The following SLC4A4 variants were observed in gnomAD, a reference collection of about 807,000 sequenced individuals.
SLC4A4 encodes solute carrier family 4 member 4.
SLC4A4 carries 27 observed loss-of-function variants against 111.5 expected under a neutral mutation model. The observed-to-expected ratio is 0.24, with a 90% confidence interval of 0.18 to 0.33. The LOEUF is 0.33. Among genes scored for constraint, SLC4A4 ranks in the 10% least tolerant of loss-of-function variants. The pLI is 1.00. For missense variants in SLC4A4, 909 were observed against 1,315.5 expected, an observed-to-expected ratio of 0.69 and a Z score of 4.78; for synonymous variants, 443 against 463.4, an observed-to-expected ratio of 0.96 and a Z score of 0.57.
At chr4:71,109,509 T>C (rs1235315785) in intron 2 of SLC4A4, among the ~76,000 whole-genome samples, 2 of 152,002 alleles carry the variant, frequency 1.3e-5, no homozygotes, top group African/African-American at 2.4e-5. Context: ...TCCCTGATAT[T>C]TGGAGGACAG....
In SLC4A4 at chr4:71,568,928, T is replaced by C. The variant is rs1488896428; in HGVS notation, c.*1177T>C. 2 of 151,796 alleles carry C rather than the reference T, an allele frequency of 1.3e-5. No individual in the cohort carries two copies. The highest frequency in any genetic ancestry group is 1.3e-4 in the Admixed American group (2 of 15,182). The allele number at this position is 151,796 out of a possible 1,614,324, so 9.4% of individuals were successfully genotyped here. On this transcript the variant is annotated 3_prime_UTR_variant, in exon 26 of 26. Coordinates refer to ENST00000264485, the MANE Select transcript of SLC4A4 (RefSeq NM_001098484.3). The stretch of plus-strand genomic sequence containing the variant: ...GAGACAAACTCCTATGTCATGAGAA[T>C]AACCGATGTTCTGATAATAGTAGCA...
intron 2 of SLC4A4, among the ~76,000 whole-genome samples, chr4:71,101,622 C>T (rs991186141): frequency 9.2e-5 from 14 of 152,240 alleles, no homozygotes; most frequent in South Asian, 2.1e-4. Flanking sequence ...CCCTGACCCC[C>T]GAGCAGCCTA....
chr4:71,513,163 C>A (rs1437477180), intron 16 of SLC4A4, among the ~76,000 whole-genome samples: 1 of 151,298 alleles, frequency 6.6e-6, no homozygotes, highest in African/African-American at 2.4e-5. Context: ...ATTTTTTTTT[C>A]TAATTCTGTG....
chr4:71,566,193 G>GC (rs1737454486), intron 24 of SLC4A4, among the ~76,000 whole-genome samples: 1 of 151,748 alleles, frequency 6.6e-6, no homozygotes, highest in African/African-American at 2.4e-5. Context: ...GCTAATTTCT[G>GC]CTAACCCCTA....
At chr4:71,189,651 T>C (rs1464457273) in intron 1 of SLC4A4, among the ~76,000 whole-genome samples, 1 of 152,208 alleles carries the variant, frequency 6.6e-6, no homozygotes, top group Non-Finnish European at 1.5e-5. Context: ...GCACACTAGC[T>C]GGTGAATCAT....
At chr4:71,505,108 A>G (rs1368028082) in intron 16 of SLC4A4, among the ~76,000 whole-genome samples, 1 of 152,066 alleles carries the variant, frequency 6.6e-6, no homozygotes, top group African/African-American at 2.4e-5. Context: ...TATGTACCAC[A>G]TTGTCTTTAT....
At chr4:71,222,531 G>T (rs556719861) in intron 1 of SLC4A4, among the ~76,000 whole-genome samples, 1 of 152,072 alleles carries the variant, frequency 6.6e-6, no homozygotes, top group African/African-American at 2.4e-5. Context: ...TTCATCCTTC[G>T]TGCCTAGAAT....
intron 20 of SLC4A4, among the ~76,000 whole-genome samples, chr4:71,554,070 C>G (rs1335233851): frequency 2.0e-5 from 3 of 151,842 alleles, no homozygotes; most frequent in Admixed American, 6.6e-5. Flanking sequence ...TACTCATTCT[C>G]TAATAGTGGC....
At chr4:71,282,569 G>A (rs1417353647) in intron 3 of SLC4A4, among the ~76,000 whole-genome samples, 1 of 150,666 alleles carries the variant, frequency 6.6e-6, no homozygotes, top group Non-Finnish European at 1.5e-5. Context: ...ACAGGCATGA[G>A]CCACGGCACC....
At chr4:71,425,018 AT>A (rs1253534502) in intron 7 of SLC4A4, among the ~76,000 whole-genome samples, 1 of 152,070 alleles carries the variant, frequency 6.6e-6, no homozygotes, top group Non-Finnish European at 1.5e-5. Context: ...ATAAAAGGTA[AT>A]AGCTGATTAA....
intron 6 of SLC4A4, among the ~76,000 whole-genome samples, chr4:71,385,773 A>T (rs1718656572): frequency 6.6e-6 from 1 of 152,078 alleles, no homozygotes; most frequent in Non-Finnish European, 1.5e-5. Flanking sequence ...GAATCCCTTG[A>T]TATCTCCTTG....
intron 21 of SLC4A4, among the ~76,000 whole-genome samples, chr4:71,555,626 G>A (rs112935043): frequency 0.022 from 3,336 of 151,996 alleles, 126 homozygotes; most frequent in African/African-American, 0.076. Context: ...ACATGGCTAT[G>A]ATCAATAATC....
intron 1 of SLC4A4, among the ~76,000 whole-genome samples, chr4:71,065,615 G>A (rs1355004333): frequency 2.0e-5 from 3 of 152,128 alleles, no homozygotes; most frequent in African/African-American, 4.8e-5. Flanking sequence ...CAAAGGGTAC[G>A]TGTTGCTGGA....
chr4:71,437,834 G>A (rs1421259016), intron 7 of SLC4A4: 1 of 209,906 alleles, frequency 4.8e-6, no homozygotes, highest in East Asian at 1.4e-4. Context: ...GTGGCCTCGT[G>A]GGGGCACTGA....
intron 16 of SLC4A4, among the ~76,000 whole-genome samples, chr4:71,517,979 G>C (rs774550818): frequency 6.6e-6 from 1 of 152,178 alleles, no homozygotes; most frequent in South Asian, 2.1e-4. Context: ...TAGAACTTGA[G>C]TCTGTAGGAG....
intron 2 of SLC4A4, among the ~76,000 whole-genome samples, chr4:71,125,892 TTAAGAAGCAGG>T (rs1430912070): frequency 1.3e-5 from 2 of 152,216 alleles, no homozygotes; most frequent in African/African-American, 4.8e-5. Flanking sequence ...ATCACTCATT[TTAAGAAGCAGG>T]AAATACTACA....
chr4:71,298,918 TCTG>T (rs1310049909), intron 3 of SLC4A4, among the ~76,000 whole-genome samples: 24 of 152,358 alleles, frequency 1.6e-4, no homozygotes, highest in African/African-American at 5.3e-4. Context: ...CTTTAACTCT[TCTG>T]CTGAAAATGT....
chr4:71,471,800 A>G (rs530595173), intron 13 of SLC4A4, among the ~76,000 whole-genome samples: 1 of 152,084 alleles, frequency 6.6e-6, no homozygotes, highest in South Asian at 2.1e-4. Flanking sequence ...AGGCCTCAAA[A>G]GACAGTGATC....
At chr4:71,090,561 T>A (rs913122839) in intron 1 of SLC4A4, among the ~76,000 whole-genome samples, 1 of 152,160 alleles carries the variant, frequency 6.6e-6, no homozygotes, top group African/African-American at 2.4e-5. Context: ...GGCTATCAGT[T>A]TGGGAAGGGG....
Sources: allele counts gnomAD v4.1 joint callset (sites outside exome capture counted in the v4.1 genomes callset), GRCh38; gene constraint gnomAD v4.1.1; transcripts MANE v1.5; gene names NCBI Gene and HGNC (gene_info 2026-07-23, HGNC 2026-07-21).